Variants in NXPE2 observed in about 807,000 individuals in gnomAD.
NXPE2 encodes neurexophilin and PC-esterase domain family member 2, also known as NXPE family member 2.
Under a neutral mutation model 34.4 loss-of-function variants are expected in NXPE2, and 34 were observed. The observed-to-expected ratio is 0.99, with a 90% CI of 0.75 to 1.31. NXPE2 has a LOEUF of 1.31. NXPE2 is among the 40% of genes most tolerant of loss of function. The pLI, the probability that NXPE2 is intolerant of heterozygous loss-of-function variation, is 0.00. For missense variants in NXPE2, 649 were observed against 672.5 expected, an observed-to-expected ratio of 0.97 and a Z score of 0.39; for synonymous variants, 235 against 231.3, an observed-to-expected ratio of 1.02 and a Z score of -0.15.
At chr11:114,720,129 A>T in the NXPE2 span, among the ~76,000 whole-genome samples, 1 of 152,214 alleles carries the variant, frequency 6.6e-6, no homozygotes, top group Non-Finnish European at 1.5e-5. Flanking sequence ...GTTTCTAGGG[A>T]GGCTGCTTCT....
the NXPE2 span, among the ~76,000 whole-genome samples, chr11:114,523,390 C>T: frequency 3.9e-5 from 6 of 152,062 alleles, no homozygotes; most frequent in African/African-American, 1.4e-4. Context: ...TTTCCTGACT[C>T]TGTGGTGACT....
the NXPE2 span, among the ~76,000 whole-genome samples, chr11:114,480,936 A>G: frequency 2.6e-5 from 4 of 152,158 alleles, no homozygotes; most frequent in African/African-American, 9.7e-5. Flanking sequence ...ATCTCTAGAG[A>G]TTATACTTGC....
chr11:114,551,026 G>A, the NXPE2 span: 1 of 738,650 alleles, frequency 1.4e-6, no homozygotes, highest in African/African-American at 1.7e-5. Flanking sequence ...AGGACTAATG[G>A]AGTGGGACTG....
chr11:114,469,877 G>A, the NXPE2 span, among the ~76,000 whole-genome samples: 1 of 152,094 alleles, frequency 6.6e-6, no homozygotes, highest in African/African-American at 2.4e-5. Flanking sequence ...CTGTCAACCA[G>A]TAATCTTCTT....
At chr11:114,537,275 A>G in the NXPE2 span, among the ~76,000 whole-genome samples, 34,575 of 152,098 alleles carry the variant, frequency 0.23, 5,551 homozygotes, top group African/African-American at 0.45. Context: ...TTGATGGGAC[A>G]TATCTCAAAA....
chr11:114,567,339 G>T, the NXPE2 span, among the ~76,000 whole-genome samples: 1 of 151,896 alleles, frequency 6.6e-6, no homozygotes, highest in Non-Finnish European at 1.5e-5. Flanking sequence ...CCTGGTTCAT[G>T]ATTGCCTGAA....
chr11:114,488,101 G>C, the NXPE2 span, among the ~76,000 whole-genome samples: 1 of 152,022 alleles, frequency 6.6e-6, no homozygotes, highest in South Asian at 2.1e-4. Flanking sequence ...TAAACACTTG[G>C]GAGAATTCAG....
chr11:114,799,571 AG>A, the NXPE2 span, among the ~76,000 whole-genome samples: 1 of 152,216 alleles, frequency 6.6e-6, no homozygotes, highest in Non-Finnish European at 1.5e-5. Context: ...AGCAGCAGTC[AG>A]CCCGACAAGG....
At chr11:114,687,027 A>T (rs890213876) in intron 2 of NXPE2, among the ~76,000 whole-genome samples, 1 of 151,998 alleles carries the variant, frequency 6.6e-6, no homozygotes, top group African/African-American at 2.4e-5. Flanking sequence ...TTTGTTGAAT[A>T]CATTGTTTGT....
At chr11:114,471,899 C>G in the NXPE2 span, among the ~76,000 whole-genome samples, 1 of 152,112 alleles carries the variant, frequency 6.6e-6, no homozygotes, top group Non-Finnish European at 1.5e-5. Context: ...GCAACCAACC[C>G]CCCTAAAATG....
chr11:114,607,066 C>G, the NXPE2 span, among the ~76,000 whole-genome samples: 5 of 151,920 alleles, frequency 3.3e-5, no homozygotes, highest in Admixed American at 3.3e-4. Context: ...TGGGTAACCA[C>G]TGTTACCCTG....
chr11:114,603,534 G>A, the NXPE2 span, among the ~76,000 whole-genome samples: 1 of 150,018 alleles, frequency 6.7e-6, no homozygotes, highest in Non-Finnish European at 1.5e-5. Flanking sequence ...CGTCTCCCAG[G>A]TAACTCCTGT....
the NXPE2 span, among the ~76,000 whole-genome samples, chr11:114,609,290 G>A: frequency 1.4e-4 from 21 of 150,736 alleles, no homozygotes; most frequent in Admixed American, 3.3e-4. Flanking sequence ...ACTGTTACCC[G>A]GTGGATAATA....
chr11:114,734,117 T>C, the NXPE2 span, among the ~76,000 whole-genome samples: 1 of 152,208 alleles, frequency 6.6e-6, no homozygotes, highest in Admixed American at 6.5e-5. Context: ...ATAGAACTTA[T>C]CTTTTAAAAA....
At chr11:114,620,169 C>A in the NXPE2 span, among the ~76,000 whole-genome samples, 1 of 151,952 alleles carries the variant, frequency 6.6e-6, no homozygotes, top group Admixed American at 6.6e-5. Flanking sequence ...TAAATATTGC[C>A]TCATGGGTAA....
chr11:114,465,622 T>C, the NXPE2 span, among the ~76,000 whole-genome samples: 4 of 152,192 alleles, frequency 2.6e-5, no homozygotes, highest in Non-Finnish European at 5.9e-5. Context: ...TTTACCCATG[T>C]GTTTGCTTTA....
chr11:114,535,640 C>T, the NXPE2 span, among the ~76,000 whole-genome samples: 143 of 152,168 alleles, frequency 9.4e-4, no homozygotes, highest in African/African-American at 3.1e-3. Flanking sequence ...ATCCTAGTCT[C>T]GGATAAAACA....
At chr11:114,743,467 A>G in the NXPE2 span, among the ~76,000 whole-genome samples, 2 of 152,178 alleles carry the variant, frequency 1.3e-5, no homozygotes, top group Non-Finnish European at 2.9e-5. Flanking sequence ...AGGTAAGGAA[A>G]TGGTCAGAAT....
chr11:114,792,469 A>G, the NXPE2 span, among the ~76,000 whole-genome samples: 1 of 152,124 alleles, frequency 6.6e-6, no homozygotes, highest in Non-Finnish European at 1.5e-5. Flanking sequence ...TTATCTTTTA[A>G]TAACTCTCTG....
Sources: allele counts gnomAD v4.1 joint callset (sites outside exome capture counted in the v4.1 genomes callset), GRCh38; gene constraint gnomAD v4.1.1; transcripts MANE v1.5; gene names NCBI Gene and HGNC (gene_info 2026-07-23, HGNC 2026-07-21).